DAAM1: variants seen among roughly 807,000 people sequenced by gnomAD.
The protein encoded by DAAM1 is dishevelled associated activator of morphogenesis 1, also known as disheveled-associated activator of morphogenesis 1.
A neutral mutation model predicts 130.0 loss-of-function variants in DAAM1; 52 were observed. That is an observed-to-expected ratio of 0.40 (90% confidence interval 0.32 to 0.50). The LOEUF is 0.50. Among genes scored for constraint, DAAM1 ranks in the 20% least tolerant of loss-of-function variants. The pLI, the probability that DAAM1 is intolerant of heterozygous loss-of-function variation, is 0.61. For missense variants in DAAM1, 1,134 were observed against 1,303.8 expected (o/e 0.87, Z 2.01); for synonymous variants, 452 against 444.5 (o/e 1.02, Z -0.21).
At chr14:59,362,653 A>T (rs980366398) in intron 22 of DAAM1, 1 of 146,298 alleles carries the variant, frequency 6.8e-6, no homozygotes, top group African/African-American at 2.5e-5. Flanking sequence ...AAAAAAAAAA[A>T]TCAATAAACT....
intron 15 of DAAM1, among the ~76,000 whole-genome samples, chr14:59,332,575 C>T (rs1594830111): frequency 6.6e-6 from 1 of 152,222 alleles, no homozygotes; most frequent in African/African-American, 2.4e-5. Flanking sequence ...TGGCACTCCA[C>T]ATTGACAAGG....
chr14:59,234,533 TG>T (rs1406363894), intron 1 of DAAM1, among the ~76,000 whole-genome samples: 1 of 152,112 alleles, frequency 6.6e-6, no homozygotes, highest in Non-Finnish European at 1.5e-5. Context: ...TGGGCTGAGA[TG>T]GTGGGGTTTT....
chr14:59,191,397 A>T (rs1267907957), intron 1 of DAAM1, among the ~76,000 whole-genome samples: 2 of 152,016 alleles, frequency 1.3e-5, no homozygotes, highest in East Asian at 3.9e-4. Flanking sequence ...TCCCCCCAGC[A>T]TTTAGAGCAG....
At chr14:59,330,745 C>T in intron 13 of DAAM1, 57 bp downstream of exon 13, 2 of 1,505,038 alleles carry the variant, frequency 1.3e-6, no homozygotes, top group Non-Finnish European at 1.8e-6. Flanking sequence ...ACCCTAGAGC[C>T]CCTCACCCTT....
chr14:59,367,405 T>G (rs764537665), intron 23 of DAAM1, 24 bp from the exon 24 acceptor site: 2 of 1,570,634 alleles, frequency 1.3e-6, no homozygotes, highest in African/African-American at 2.7e-5. Flanking sequence ...AAACATTGAC[T>G]TCTTAAAACC....
At position 59,263,549 on chromosome 14, in the gene DAAM1, A is replaced by G; in HGVS notation, c.72A>G (p.Pro24=). The part of the protein sequence containing the change: ...IFCCFRNNDH[P]EITYRLRNDS... ...GCTGTTTCCGAAATAATGATCACCCAGAAATCACGTATCGGCTGCGAAATG... is the reference window on the plus strand; with the variant it reads ...GCTGTTTCCGAAATAATGATCACCCGGAAATCACGTATCGGCTGCGAAATG... Residue 24 remains proline, a synonymous_variant, in exon 2 of 25, where the codon CCA becomes CCG. Transcript: ENST00000360909. The G allele has an allele frequency of 6.2e-7, 1 of 1,614,248 alleles. No homozygotes were observed. The highest frequency in any genetic ancestry group is 2.2e-5 in the East Asian group (1 of 44,890).
intron 1 of DAAM1, among the ~76,000 whole-genome samples, chr14:59,229,444 T>C (rs777508782): frequency 6.6e-6 from 1 of 152,230 alleles, no homozygotes; most frequent in Non-Finnish European, 1.5e-5. Flanking sequence ...TAAAAGCCTA[T>C]ATAATACCCT....
At chr14:59,265,376 C>G (rs1382970832) in intron 2 of DAAM1, 3 of 152,168 alleles carry the variant, frequency 2.0e-5, no homozygotes, top group Non-Finnish European at 4.4e-5. Flanking sequence ...TCTTTGATCT[C>G]CACTGCATGA....
rs1887144060 is a variant in DAAM1 at position 59,370,927 on chromosome 14, G to T, written c.*2068G>T. Reference sequence around the variant, plus strand: ...GTCTTACAGTTTAAGGAATAGACAGGTGGAGGGAAAGTCACATAAAGGAGC... The same window carrying T: ...GTCTTACAGTTTAAGGAATAGACAGTTGGAGGGAAAGTCACATAAAGGAGC... On this transcript the variant is annotated 3_prime_UTR_variant, in exon 25 of 25. Coordinates refer to ENST00000360909, the MANE Select transcript of DAAM1 (RefSeq NM_001270520.2). The T allele has an allele frequency of 6.6e-6, 1 of 152,096 alleles. No homozygotes were observed. The highest frequency in any genetic ancestry group is 2.4e-5 in the African/African-American group (1 of 41,436). 9.4% of individuals were successfully genotyped at this position (152,096 alleles called of 1,614,324 possible). A position where few individuals can be genotyped will look rare whatever the true frequency, so the allele number is the denominator to read the frequency against.
chr14:59,267,855 C>A (rs543597020), intron 2 of DAAM1, among the ~76,000 whole-genome samples: 1 of 151,398 alleles, frequency 6.6e-6, no homozygotes, highest in African/African-American at 2.4e-5. Context: ...TACTTCATTC[C>A]TTTTTCTTGC....
intron 1 of DAAM1, among the ~76,000 whole-genome samples, chr14:59,213,996 C>A (rs570203687): frequency 6.6e-6 from 1 of 152,200 alleles, no homozygotes; most frequent in African/African-American, 2.4e-5. Context: ...AACTTGCTAC[C>A]AAGATATCAG....
intron 1 of DAAM1, among the ~76,000 whole-genome samples, chr14:59,211,000 C>G (rs1234304488): frequency 6.6e-6 from 1 of 152,180 alleles, no homozygotes; most frequent in Non-Finnish European, 1.5e-5. Context: ...ATTGCCTGTA[C>G]AGCACCTAAA....
chr14:59,192,248 TAAAAC>T (rs374274032), intron 1 of DAAM1, among the ~76,000 whole-genome samples: 101 of 151,590 alleles, frequency 6.7e-4, no homozygotes, highest in African/African-American at 2.4e-3. Flanking sequence ...CTATGGTCCT[TAAAAC>T]AAATAAGGTG....
intron 1 of DAAM1, among the ~76,000 whole-genome samples, chr14:59,201,373 A>C (rs887909739): frequency 6.6e-6 from 1 of 152,040 alleles, no homozygotes; most frequent in African/African-American, 2.4e-5. Flanking sequence ...CTGTAATCCC[A>C]TTAACTTGGG....
intron 1 of DAAM1, among the ~76,000 whole-genome samples, chr14:59,224,912 A>C (rs1370878): frequency 2.0e-5 from 3 of 151,684 alleles, no homozygotes; most frequent in African/African-American, 7.3e-5. Flanking sequence ...GCACCATTCC[A>C]TGAACCAGAA....
intron 1 of DAAM1, among the ~76,000 whole-genome samples, chr14:59,218,086 T>C (rs952442150): frequency 6.6e-6 from 1 of 152,036 alleles, no homozygotes; most frequent in African/African-American, 2.4e-5. Flanking sequence ...TGAACTATGA[T>C]TGGGCCACTG....
chr14:59,213,605 T>C (rs936006762), intron 1 of DAAM1, among the ~76,000 whole-genome samples: 15 of 152,048 alleles, frequency 9.9e-5, no homozygotes, highest in African/African-American at 2.7e-4. Flanking sequence ...GAAAGAAAAA[T>C]TGTTTACATT....
At chr14:59,325,829 A>G in intron 9 of DAAM1, 99 bp downstream of exon 9, 2 of 1,533,458 alleles carry the variant, frequency 1.3e-6, no homozygotes, top group Admixed American at 1.7e-5. Flanking sequence ...AGGGCAACCT[A>G]AAAGCAAACT....
In DAAM1 at chr14:59,270,117, T is replaced by G. The variant is rs572482443; in HGVS notation, c.183+6457T>G. On this transcript the variant is annotated intron_variant, in intron 2 of 24. Transcript: ENST00000360909. Reference sequence around the variant, plus strand: ...AATAACCATGGTTCTGTTCAGTATTTGTGAGGTGTTGGTAAGTTTTGTGAT... The same window carrying G: ...AATAACCATGGTTCTGTTCAGTATTGGTGAGGTGTTGGTAAGTTTTGTGAT... Among the ~76,000 whole-genome samples, 8 of 152,326 alleles carry G rather than the reference T, an allele frequency of 5.3e-5. No individual in the cohort carries two copies. In the South Asian group the frequency reaches 1.7e-3, roughly 32 times the overall value.
Sources: gnomAD v4.1 joint callset for allele counts (sites outside exome capture counted in the v4.1 genomes callset) on GRCh38, gnomAD v4.1.1 for gene constraint, MANE v1.5 for transcripts, NCBI Gene and HGNC (gene_info 2026-07-23, HGNC 2026-07-21) for gene names.